Variants in AGL observed in about 807,000 individuals in gnomAD.
AGL encodes amylo-alpha-1,6-glucosidase and 4-alpha-glucanotransferase.
In AGL, 128 loss-of-function variants were observed where a neutral mutation model predicts 199.3. The observed-to-expected ratio is 0.64, with a 90% CI of 0.56 to 0.74. The LOEUF (loss-of-function observed/expected upper bound fraction) is 0.74, where lower values mean the gene tolerates loss of function less well. AGL is among the 30% of genes least tolerant of loss of function. The pLI, the probability that AGL is intolerant of heterozygous loss-of-function variation, is 0.00. For synonymous variants in AGL, 584 were observed against 594.7 expected, an observed-to-expected ratio of 0.98 and a Z score of 0.26; for missense variants, 1,809 against 1,820.8, an observed-to-expected ratio of 0.99 and a Z score of 0.12.
intron 8 of AGL, 21 bp from the exon 9 acceptor site, chr1:99,875,133 G>A (rs569047343): frequency 6.3e-7 from 1 of 1,592,888 alleles, no homozygotes; most frequent in East Asian, 2.2e-5. Context: ...TATTATATCT[G>A]CATTTCTCCA....
intron 1 of AGL, chr1:99,850,711 T>C (rs1194268335): frequency 1.3e-5 from 4 of 308,068 alleles, no homozygotes; most frequent in African/African-American, 8.8e-5. Flanking sequence ...TGTATTGCTT[T>C]TCTCTGAGAA....
chr1:99,905,916 C>A (rs2100834520), intron 27 of AGL, among the ~76,000 whole-genome samples: 1 of 151,582 alleles, frequency 6.6e-6, no homozygotes, highest in East Asian at 1.9e-4. Context: ...AATTGGAGTG[C>A]TGTTTTTTGT....
At chr1:99,870,623 T>C in intron 6 of AGL, 42 bp downstream of exon 6, 1 of 1,603,562 alleles carries the variant, frequency 6.2e-7, no homozygotes. Flanking sequence ...ACAGAAAAAA[T>C]TTCTAAAGCA....
intron 4 of AGL, 39 bp downstream of exon 4, chr1:99,862,462 T>A (rs1180022658): frequency 1.3e-6 from 2 of 1,599,264 alleles, no homozygotes; most frequent in Non-Finnish European, 1.7e-6. Flanking sequence ...TTTAAAAAAA[T>A]AAATGTAATT....
At chr1:99,852,554 TTTG>T in intron 2 of AGL, 15 of 616,906 alleles carry the variant, frequency 2.4e-5, no homozygotes, top group South Asian at 3.9e-5. Context: ...TTTTTTTTTT[TTTG>T]TAGAAACTGG....
intron 26 of AGL, among the ~76,000 whole-genome samples, chr1:99,901,597 G>A (rs1653843550): frequency 6.6e-6 from 1 of 152,060 alleles, no homozygotes; most frequent in East Asian, 1.9e-4. Flanking sequence ...AGGTTATGGA[G>A]AGCCTTGACT....
intron 5 of AGL, among the ~76,000 whole-genome samples, chr1:99,867,914 C>T (rs1650663953): frequency 6.6e-6 from 1 of 152,148 alleles, no homozygotes; most frequent in African/African-American, 2.4e-5. Context: ...CATCCTTTCC[C>T]ACAAGTAGCA....
At chr1:99,910,471 A>G (rs531953210) in intron 27 of AGL, among the ~76,000 whole-genome samples, 11 of 152,290 alleles carry the variant, frequency 7.2e-5, no homozygotes, top group Middle Eastern at 3.4e-3. Context: ...CTCCATGTGC[A>G]CATAAGTAAG....
intron 5 of AGL, among the ~76,000 whole-genome samples, chr1:99,869,887 T>G (rs1364518939): frequency 6.6e-6 from 1 of 152,212 alleles, no homozygotes; most frequent in African/African-American, 2.4e-5. Flanking sequence ...CTTGAACTCC[T>G]GCAGGCTATC....
At chr1:99,901,654 G>C (rs1345540278) in intron 26 of AGL, among the ~76,000 whole-genome samples, 2 of 151,414 alleles carry the variant, frequency 1.3e-5, no homozygotes, top group African/African-American at 4.9e-5. Context: ...GTGAAGAATG[G>C]ATAGACATTT....
chr1:99,901,601 C>G (rs898930714), intron 26 of AGL, among the ~76,000 whole-genome samples: 1 of 151,876 alleles, frequency 6.6e-6, no homozygotes, highest in African/African-American at 2.4e-5. Context: ...TATGGAGAGC[C>G]TTGACTACCA....
rs527765890 is a variant in AGL at position 99,918,882 on chromosome 1, C to T, written c.4481+2151C>T. On this transcript the variant is annotated intron_variant, in intron 33 of 33. Transcript: ENST00000361915. ...CTACCCTGTATTTCGAAAATTATGA[C>T]GTTTTCAAATCTGGCTGGTGGGAAC... Among the ~76,000 whole-genome samples, 3 of 152,222 alleles carry T rather than the reference C, an allele frequency of 2.0e-5. No homozygotes were observed. The South Asian group carries it at 6.2e-4, about 32-fold the overall frequency.
intron 2 of AGL, 134 bp from the exon 3 acceptor site, chr1:99,861,369 G>A (rs998180643): frequency 5.9e-6 from 9 of 1,534,188 alleles, no homozygotes; most frequent in African/African-American, 2.8e-5. Flanking sequence ...TGCCAAAACA[G>A]CATTAGGTTT....
intron 24 of AGL, among the ~76,000 whole-genome samples, 164 bp downstream of exon 24, chr1:99,892,771 C>G (rs547541420): frequency 1.3e-5 from 2 of 152,038 alleles, no homozygotes; most frequent in Non-Finnish European, 2.9e-5. Flanking sequence ...AATAACCATG[C>G]TTACTGTTTA....
intron 12 of AGL, among the ~76,000 whole-genome samples, chr1:99,878,488 C>T (rs1391366257): frequency 2.0e-5 from 3 of 151,916 alleles, no homozygotes; most frequent in African/African-American, 7.3e-5. Context: ...TCTCTTTGAG[C>T]TCTTTACAAT....
intron 2 of AGL, among the ~76,000 whole-genome samples, chr1:99,856,854 C>A (rs1236344490): frequency 6.6e-6 from 1 of 152,236 alleles, no homozygotes; most frequent in Non-Finnish European, 1.5e-5. Flanking sequence ...TACACAGACA[C>A]AGCAACAATC....
At chr1:99,862,232 G>A (rs1433364335) in intron 3 of AGL, 25 bp from the exon 4 acceptor site, 1 of 1,613,548 alleles carries the variant, frequency 6.2e-7, no homozygotes, top group Admixed American at 1.7e-5. Flanking sequence ...TGACTGAAAA[G>A]TTTTTGTTTT....
chr1:99,860,023 T>G (rs1398105073), intron 2 of AGL, among the ~76,000 whole-genome samples: 1 of 152,172 alleles, frequency 6.6e-6, no homozygotes, highest in Admixed American at 6.5e-5. Context: ...TCACTGATAC[T>G]TTTCTCAAAA....
intron 24 of AGL, 67 bp from the exon 25 acceptor site, chr1:99,896,219 A>G (rs182568709): frequency 1.3e-5 from 17 of 1,316,258 alleles, no homozygotes; most frequent in Non-Finnish European, 1.1e-6. Flanking sequence ...TTCTATAGTA[A>G]TGGAGTTCAT....
Sources: gnomAD v4.1 joint callset for allele counts (sites outside exome capture counted in the v4.1 genomes callset) on GRCh38, gnomAD v4.1.1 for gene constraint, MANE v1.5 for transcripts, NCBI Gene and HGNC (gene_info 2026-07-23, HGNC 2026-07-21) for gene names.